GALNT13: variants seen among roughly 807,000 people sequenced by gnomAD.
GALNT13 encodes UDP-GalNAc:polypeptide N-acetylgalactosaminyltransferase 13.
GALNT13 carries 28 observed loss-of-function variants against 64.2 expected under a neutral mutation model. That is an observed-to-expected ratio of 0.44 (90% confidence interval 0.32 to 0.60). The LOEUF (loss-of-function observed/expected upper bound fraction) is 0.60. Ranked by LOEUF, GALNT13 falls within the 20% of genes least tolerant of loss-of-function variation. GALNT13 has a pLI of 0.05. For missense variants in GALNT13, 577 were observed against 669.8 expected (o/e 0.86, Z 1.53); for synonymous variants, 214 against 224.6 (o/e 0.95, Z 0.42).
Position 154,171,186 on chromosome 2 carries a change from G to T in GALNT13, c.311+30681G>T, listed in dbSNP as rs1031440280. Reference sequence around the variant, plus strand: ...AACAAATACATGGAGGGCTTGGAAGGAGTCTTCCAAACTCCTCAAAGCAGA... The same window carrying T: ...AACAAATACATGGAGGGCTTGGAAGTAGTCTTCCAAACTCCTCAAAGCAGA... On this transcript the variant is annotated intron_variant, in intron 4 of 12. Coordinates refer to ENST00000392825, the MANE Select transcript of GALNT13 (RefSeq NM_052917.4). Among the ~76,000 whole-genome samples, 3 of 152,074 alleles carry T rather than the reference G, an allele frequency of 2.0e-5. No homozygotes were observed. The South Asian group carries it at 6.2e-4, about 31-fold the overall frequency.
the GALNT13 span, among the ~76,000 whole-genome samples, chr2:153,241,657 ATGTGTATG>A: frequency 1.9e-4 from 28 of 150,860 alleles, no homozygotes; most frequent in South Asian, 5.7e-3. Flanking sequence ...CTGTGTGTGT[ATGTGTATG>A]TGTGTGTGTG....
intron 7 of GALNT13, among the ~76,000 whole-genome samples, chr2:154,257,288 T>G (rs1295526552): frequency 6.6e-6 from 1 of 152,178 alleles, no homozygotes; most frequent in African/African-American, 2.4e-5. Flanking sequence ...TAAATTAAAA[T>G]GTGCCAGTAC....
chr2:153,570,840 T>C, the GALNT13 span, among the ~76,000 whole-genome samples: 1 of 152,174 alleles, frequency 6.6e-6, no homozygotes, highest in Non-Finnish European at 1.5e-5. Context: ...GACAGTATCA[T>C]GTTGTTTTAG....
At chr2:153,770,836 G>T in the GALNT13 span, among the ~76,000 whole-genome samples, 10 of 152,328 alleles carry the variant, frequency 6.6e-5, no homozygotes, top group East Asian at 1.5e-3. Flanking sequence ...CCACCTACAG[G>T]TTCCCAAATG....
rs921987802 is a variant in GALNT13 at position 154,255,807 on chromosome 2, G to T, written c.858-3214G>T. 7.2e-5 allele frequency among the ~76,000 whole-genome samples: 11 copies of T among 152,090 alleles called. 1 individual carries two copies. Among genetic ancestry groups the T allele is most frequent in the African/African-American group, 9.6e-5 (4 of 41,496 alleles). ...TGACTAACACCTGTAATCCCAGCAC[G>T]TTGAGAGGCCAAGGTGGGCAGGTCA... On this transcript the variant is annotated intron_variant, in intron 7 of 12. Coordinates refer to ENST00000392825, the MANE Select transcript of GALNT13 (RefSeq NM_052917.4).
chr2:153,722,216 A>C, the GALNT13 span, among the ~76,000 whole-genome samples: 1 of 146,686 alleles, frequency 6.8e-6, no homozygotes, highest in African/African-American at 2.6e-5. Flanking sequence ...TACTGGGTAC[A>C]TAACGAAATG....
the GALNT13 span, among the ~76,000 whole-genome samples, chr2:153,555,172 T>G: frequency 0.086 from 10,688 of 123,774 alleles, 865 homozygotes; most frequent in South Asian, 0.13. Flanking sequence ...ATTTTGTTAA[T>G]GTGAAACAGA....
the GALNT13 span, among the ~76,000 whole-genome samples, chr2:153,577,834 A>G: frequency 1.3e-5 from 2 of 150,708 alleles, no homozygotes; most frequent in African/African-American, 4.8e-5. Context: ...AAAATATTTT[A>G]ATTATATTCA....
At chr2:154,090,387 T>C (rs562190540) in intron 3 of GALNT13, among the ~76,000 whole-genome samples, 1 of 152,148 alleles carries the variant, frequency 6.6e-6, no homozygotes, top group South Asian at 2.1e-4. Flanking sequence ...AGTAAGAAAA[T>C]ATATAGATTT....
chr2:154,027,005 A>G (rs1698014263), intron 3 of GALNT13, among the ~76,000 whole-genome samples: 1 of 152,216 alleles, frequency 6.6e-6, no homozygotes, highest in African/African-American at 2.4e-5. Context: ...GGTAGGGTGA[A>G]GGAGCTGGAG....
chr2:153,308,530 T>A, the GALNT13 span, among the ~76,000 whole-genome samples: 2 of 152,234 alleles, frequency 1.3e-5, no homozygotes, highest in Non-Finnish European at 2.9e-5. Flanking sequence ...GAGCTTTGTA[T>A]ATTATGTGAT....
At chr2:154,432,736 A>G (rs2105452006) in intron 11 of GALNT13, among the ~76,000 whole-genome samples, 1 of 152,116 alleles carries the variant, frequency 6.6e-6, no homozygotes, top group South Asian at 2.1e-4. Context: ...CTCTGTCTCT[A>G]TTCTCTTATA....
intron 3 of GALNT13, among the ~76,000 whole-genome samples, chr2:154,092,764 G>A (rs2105443378): frequency 6.6e-6 from 1 of 152,088 alleles, no homozygotes; most frequent in African/African-American, 2.4e-5. Context: ...TCAGGTGAAG[G>A]AGCACGTTAT....
intron 4 of GALNT13, among the ~76,000 whole-genome samples, chr2:154,167,128 A>C (rs1271565992): frequency 6.6e-6 from 1 of 152,316 alleles, no homozygotes; most frequent in South Asian, 2.1e-4. Context: ...AAGTATACTA[A>C]TAAAAATGAA....
chr2:154,154,400 G>A (rs1000506194), intron 4 of GALNT13, among the ~76,000 whole-genome samples: 4 of 152,158 alleles, frequency 2.6e-5, no homozygotes, highest in Non-Finnish European at 4.4e-5. Flanking sequence ...TGCAGAGGAT[G>A]ATGAAGAATC....
chr2:153,671,543 T>A, the GALNT13 span, among the ~76,000 whole-genome samples: 5 of 152,162 alleles, frequency 3.3e-5, no homozygotes, highest in Non-Finnish European at 7.3e-5. Context: ...CAAGAGCTCC[T>A]GAAGGAAGCA....
At chr2:154,022,059 G>C (rs932072076) in intron 3 of GALNT13, among the ~76,000 whole-genome samples, 3 of 152,158 alleles carry the variant, frequency 2.0e-5, no homozygotes, top group Non-Finnish European at 4.4e-5. Context: ...AAGCCCACTT[G>C]ATCATGGTGA....
the GALNT13 span, among the ~76,000 whole-genome samples, chr2:153,312,971 T>G: frequency 6.6e-6 from 1 of 152,166 alleles, no homozygotes; most frequent in African/African-American, 2.4e-5. Flanking sequence ...TAAAAAAAAT[T>G]ATTACTTTAT....
chr2:153,255,776 A>G, the GALNT13 span, among the ~76,000 whole-genome samples: 1 of 152,258 alleles, frequency 6.6e-6, no homozygotes, highest in South Asian at 2.1e-4. Context: ...CTTTTCTTTA[A>G]GAATGTTGAA....
Sources: gnomAD v4.1 joint callset for allele counts (sites outside exome capture counted in the v4.1 genomes callset) on GRCh38, gnomAD v4.1.1 for gene constraint, MANE v1.5 for transcripts, NCBI Gene and HGNC (gene_info 2026-07-23, HGNC 2026-07-21) for gene names.